The following E2F3 variants were observed in gnomAD, a reference collection of about 807,000 sequenced individuals.
E2F3 encodes the protein transcription factor E2F3.
A neutral mutation model predicts 44.4 loss-of-function variants in E2F3; 11 were observed. The observed-to-expected ratio is 0.25, with a 90% confidence interval of 0.16 to 0.41. The LOEUF (loss-of-function observed/expected upper bound fraction) is 0.41. E2F3 is among the 10% of genes least tolerant of loss of function. The pLI, the probability that E2F3 is intolerant of heterozygous loss-of-function variation, is 1.00. For missense variants in E2F3, 487 were observed against 583.6 expected (o/e 0.83, Z 1.70); for synonymous variants, 249 against 253.0 (o/e 0.98, Z 0.15).
intron 1 of E2F3, chr6:20,403,717 G>C: frequency 9.7e-7 from 1 of 1,029,218 alleles, no homozygotes; most frequent in African/African-American, 1.7e-5. Context: ...CCCCCCACCG[G>C]CGCCCGCCCT....
chr6:20,482,590 G>T (rs1581655612), intron 3 of E2F3, among the ~76,000 whole-genome samples, 172 bp from the exon 4 acceptor site: 1 of 135,614 alleles, frequency 7.4e-6, no homozygotes. Flanking sequence ...CTGTATTTAT[G>T]AAAAAAAAAA....
chr6:20,492,998 TA>T lies in E2F3; in HGVS notation c.*2572del. ...TTATGACTGCGTGAGCCTTAGAAAATAAAATGTATAAAGGGCAACACATGAG... is the reference window on the plus strand; with the variant it reads ...TTATGACTGCGTGAGCCTTAGAAAATAAATGTATAAAGGGCAACACATGAG... On this transcript the variant is annotated 3_prime_UTR_variant, in exon 7 of 7. Coordinates refer to ENST00000346618, the MANE Select transcript of E2F3 (RefSeq NM_001949.5). 2 of 214,706 alleles carry T rather than the reference TA, an allele frequency of 9.3e-6. No homozygotes were observed. The highest frequency in any genetic ancestry group is 1.9e-5 in the Non-Finnish European group (2 of 106,146). The allele number at this position is 214,706 out of a possible 1,614,324, so 13.3% of individuals were successfully genotyped here.
intron 4 of E2F3, 121 bp downstream of exon 4, chr6:20,483,041 G>C: frequency 7.0e-7 from 1 of 1,418,996 alleles, no homozygotes; most frequent in Admixed American, 1.9e-5. Context: ...GAGTACCTGT[G>C]TGCCTGTGTG....
At chr6:20,410,289 C>T (rs1759630183) in intron 1 of E2F3, among the ~76,000 whole-genome samples, 1 of 152,176 alleles carries the variant, frequency 6.6e-6, no homozygotes, top group South Asian at 2.1e-4. Flanking sequence ...TGCACCCTGT[C>T]CTAAAAGGCA....
At chr6:20,416,161 C>G (rs976965056) in intron 1 of E2F3, among the ~76,000 whole-genome samples, 1 of 152,174 alleles carries the variant, frequency 6.6e-6, no homozygotes, top group African/African-American at 2.4e-5. Context: ...TTGTTGTCTT[C>G]CTCATGTATA....
intron 1 of E2F3, among the ~76,000 whole-genome samples, chr6:20,452,868 C>T (rs985807609): frequency 2.6e-5 from 4 of 152,102 alleles, no homozygotes; most frequent in South Asian, 2.1e-4. Context: ...GCAGGAGAAT[C>T]GTTTGAACCC....
Position 20,430,893 on chromosome 6 carries a change from C to T in E2F3, c.393+28268C>T, listed in dbSNP as rs373679215. Among the ~76,000 whole-genome samples the T allele has an allele frequency of 2.8e-3, 420 of 152,188 alleles. 3 individuals carry two copies. Among genetic ancestry groups the T allele is most frequent in the African/African-American group, 8.7e-3 (361 of 41,510 alleles). On this transcript the variant is annotated intron_variant, in intron 1 of 6. Coordinates refer to ENST00000346618, the MANE Select transcript of E2F3 (RefSeq NM_001949.5). ...TACAAAAATTAGTTGGGCATGGTGG[C>T]GCACACCTGTCATCCCAGCTACTTG...
chr6:20,449,088 C>CT (rs2127599857), intron 1 of E2F3, among the ~76,000 whole-genome samples: 1 of 152,254 alleles, frequency 6.6e-6, no homozygotes, highest in Non-Finnish European at 1.5e-5. Flanking sequence ...TTACTACGTA[C>CT]TTTCCTTTTT....
intron 3 of E2F3, among the ~76,000 whole-genome samples, chr6:20,482,350 T>TG (rs1300632295): frequency 6.7e-6 from 1 of 149,956 alleles, no homozygotes; most frequent in Non-Finnish European, 1.5e-5. Flanking sequence ...TTGTTTTTTT[T>TG]TTTTTTTAAT....
At chr6:20,472,025 A>AACAC (rs57925127) in intron 1 of E2F3, among the ~76,000 whole-genome samples, 20,269 of 138,258 alleles carry the variant, frequency 0.15, 1,680 homozygotes, top group Admixed American at 0.16. Context: ...CCCCCCCTCC[A>AACAC]ACACACACAC....
chr6:20,438,731 A>G lies in E2F3; in HGVS notation c.393+36106A>G, dbSNP rs16883812. On this transcript the variant is annotated intron_variant, in intron 1 of 6. Transcript: ENST00000346618. ...TTTAGTTCTTCTGTGAATATAACCA[A>G]TCTGGGCAATTTGGGCACCAGAGTG... Among the ~76,000 whole-genome samples the G allele has an allele frequency of 9.1e-3, 1,390 of 152,242 alleles. 27 individuals are homozygous for G. Among genetic ancestry groups the G allele is most frequent in the African/African-American group, 0.031 (1,306 of 41,538 alleles).
chr6:20,429,573 C>G (rs12523853), intron 1 of E2F3, among the ~76,000 whole-genome samples: 1 of 152,170 alleles, frequency 6.6e-6, no homozygotes, highest in East Asian at 1.9e-4. Flanking sequence ...GAGAGACTAC[C>G]GTATTTTTTC....
intron 1 of E2F3, among the ~76,000 whole-genome samples, chr6:20,438,306 C>G (rs1760660192): frequency 6.6e-6 from 1 of 152,166 alleles, no homozygotes; most frequent in African/African-American, 2.4e-5. Context: ...ATACTTGTTT[C>G]AAATTTTGGA....
intron 1 of E2F3, among the ~76,000 whole-genome samples, chr6:20,448,023 T>C (rs1286479756): frequency 2.0e-5 from 3 of 152,218 alleles, no homozygotes; most frequent in African/African-American, 7.2e-5. Context: ...CCCCACTTCC[T>C]GTTGACACAA....
At chr6:20,450,956 C>A (rs1761110912) in intron 1 of E2F3, among the ~76,000 whole-genome samples, 1 of 152,108 alleles carries the variant, frequency 6.6e-6, no homozygotes, top group South Asian at 2.1e-4. Flanking sequence ...GGCCTTACTT[C>A]TGGGCTCTCA....
At chr6:20,463,616 A>G (rs565801193) in intron 1 of E2F3, among the ~76,000 whole-genome samples, 7 of 152,290 alleles carry the variant, frequency 4.6e-5, no homozygotes, top group African/African-American at 1.7e-4. Context: ...TTCGCTGGGT[A>G]TGTCTGAGAA....
intron 1 of E2F3, among the ~76,000 whole-genome samples, chr6:20,413,911 C>G (rs373259526): frequency 6.6e-6 from 1 of 152,124 alleles, no homozygotes; most frequent in African/African-American, 2.4e-5. Context: ...CTTTGACTCC[C>G]AAATATTTAA....
At position 20,471,359 on chromosome 6, in the gene E2F3, C is replaced by T. The variant is rs11961898; in HGVS notation, c.394-8487C>T. Among the ~76,000 whole-genome samples, 1,067 of 152,226 alleles carry T rather than the reference C, an allele frequency of 7.0e-3. 16 individuals are homozygous for T. Among genetic ancestry groups the T allele is most frequent in the African/African-American group, 0.024 (988 of 41,538 alleles). ...GCACTTTGGGAGGCCGAAGCGGGTG[C>T]ATCACCTGAGGTCAGGAGTTCGAGA... On this transcript the variant is annotated intron_variant, in intron 1 of 6. Coordinates refer to ENST00000346618, the MANE Select transcript of E2F3 (RefSeq NM_001949.5).
At chr6:20,453,187 G>A (rs1054954504) in intron 1 of E2F3, among the ~76,000 whole-genome samples, 7 of 151,782 alleles carry the variant, frequency 4.6e-5, no homozygotes, top group Non-Finnish European at 8.8e-5. Flanking sequence ...AGTATTTGTG[G>A]GGTTTTTTTG....
Sources: allele counts gnomAD v4.1 joint callset (sites outside exome capture counted in the v4.1 genomes callset), GRCh38; gene constraint gnomAD v4.1.1; transcripts MANE v1.5; gene names NCBI Gene and HGNC (gene_info 2026-07-23, HGNC 2026-07-21).